Variants in RNF135 observed in about 807,000 individuals in gnomAD.
RNF135 encodes the protein ring finger protein 135, also known as E3 ubiquitin-protein ligase RNF135.
A neutral mutation model predicts 41.9 loss-of-function variants in RNF135; 46 were observed. The ratio of observed to expected loss-of-function variants is 1.10; its 90% CI spans 0.87 to 1.40. RNF135 has a LOEUF of 1.40. Among genes scored for constraint, RNF135 ranks in the 40% most tolerant of loss-of-function variants. The pLI is 0.00. For missense variants in RNF135, 539 were observed against 549.8 expected (o/e 0.98, Z 0.20); for synonymous variants, 238 against 223.8 (o/e 1.06, Z -0.57).
At position 30,987,345 on chromosome 17, in the gene RNF135, C is replaced by G. The variant is rs1262721324; in HGVS notation, c.517-599C>G. ...CTCCCGGGTTCAAGTGATTGTCCTG[C>G]CTCAGCCTCCCATGTAGTTGGGATT... On this transcript the variant is annotated intron_variant, in intron 2 of 4. Coordinates refer to ENST00000328381, the MANE Select transcript of RNF135 (RefSeq NM_032322.4). Among the ~76,000 whole-genome samples, 16 of 151,996 alleles carry G rather than the reference C, an allele frequency of 1.1e-4. 1 individual carries two copies. Among genetic ancestry groups the G allele is most frequent in the Admixed American group, 1.0e-3 (16 of 15,270 alleles).
At chr17:30,997,699 A>G (rs567754569) in intron 4 of RNF135, among the ~76,000 whole-genome samples, 21 of 152,260 alleles carry the variant, frequency 1.4e-4, no homozygotes, top group African/African-American at 5.1e-4. Context: ...AGTCCTTAAG[A>G]GCATGGATCC....
intron 1 of RNF135, among the ~76,000 whole-genome samples, chr17:30,979,676 T>C (rs1189404825): frequency 2.3e-4 from 21 of 92,298 alleles, no homozygotes; most frequent in Admixed American, 7.2e-4. Context: ...CCCCCCCACC[T>C]CCCTCCCGGA....
rs933657156 is a variant in RNF135 at position 30,993,926 on chromosome 17, C to G, written c.680-3316C>G. ...TCAGGTGATCTTCCTTCCTAAGACT[C>G]CCAAGTAGCTGGGACTACAGGCATG... On this transcript the variant is annotated intron_variant, in intron 3 of 4. Transcript: ENST00000328381. 4 of 594,870 alleles carry G rather than the reference C, an allele frequency of 6.7e-6. No individual in the cohort carries two copies. The Admixed American group carries it at 1.2e-4, about 18-fold the overall frequency. The allele number at this position is 594,870 out of a possible 1,614,324, so 36.8% of individuals were successfully genotyped here.
intron 3 of RNF135, among the ~76,000 whole-genome samples, chr17:30,990,001 A>AAAAAG (rs1907877850): frequency 6.6e-6 from 1 of 151,758 alleles, no homozygotes. Flanking sequence ...AAAAAAAAAA[A>AAAAAG]AAAAGAATCA....
At chr17:30,962,423 C>T in the RNF135 span, among the ~76,000 whole-genome samples, 399 of 143,132 alleles carry the variant, frequency 2.8e-3, 1 homozygote, top group Middle Eastern at 0.019. Context: ...TGAGCCACCG[C>T]GCCTGGCCTA....
intron 1 of RNF135, among the ~76,000 whole-genome samples, chr17:30,976,918 A>AT (rs1459629237): frequency 2.0e-5 from 3 of 151,934 alleles, no homozygotes; most frequent in African/African-American, 7.3e-5. Flanking sequence ...TTGATTGAAG[A>AT]TTTTTGTTCA....
intron 1 of RNF135, 103 bp downstream of exon 1, chr17:30,971,548 A>G (rs1488822791): frequency 9.4e-6 from 13 of 1,378,688 alleles, no homozygotes; most frequent in Non-Finnish European, 1.2e-5. Flanking sequence ...TTCTACTTTT[A>G]CGTTCCTTTT....
intron 1 of RNF135, among the ~76,000 whole-genome samples, chr17:30,975,194 A>G (rs1031710731): frequency 6.6e-6 from 1 of 151,978 alleles, no homozygotes; most frequent in Non-Finnish European, 1.5e-5. Flanking sequence ...GTGATGACAC[A>G]TGGCTGTGGT....
intron 1 of RNF135, among the ~76,000 whole-genome samples, chr17:30,977,620 C>T (rs1906581803): frequency 6.6e-6 from 1 of 152,122 alleles, no homozygotes; most frequent in African/African-American, 2.4e-5. Context: ...GTGATCTGCC[C>T]ACCTCAGCCT....
intron 1 of RNF135, chr17:30,978,899 T>A: frequency 5.6e-6 from 1 of 178,296 alleles, no homozygotes; most frequent in Non-Finnish European, 1.1e-5. Flanking sequence ...ACACAGCACA[T>A]GTTTCAGAGA....
At chr17:30,997,189 C>A in intron 3 of RNF135, 53 bp from the exon 4 acceptor site, 1 of 1,378,328 alleles carries the variant, frequency 7.3e-7, no homozygotes, top group Non-Finnish European at 1.0e-6. Context: ...TGGAGACCTT[C>A]AGTTTGCCTT....
At chr17:30,967,474 G>A (rs1905596838), upstream of RNF135, among the ~76,000 whole-genome samples, 1 of 152,030 alleles carries the variant, frequency 6.6e-6, no homozygotes, top group Non-Finnish European at 1.5e-5. Context: ...ACTGCTAATA[G>A]TAATTATATT....
At chr17:30,989,155 A>C (rs1219897749) in intron 3 of RNF135, among the ~76,000 whole-genome samples, 1 of 151,260 alleles carries the variant, frequency 6.6e-6, no homozygotes, top group African/African-American at 2.4e-5. Flanking sequence ...GGATCTCTTG[A>C]GGCCAGGAGT....
In RNF135 at chr17:30,971,501, C is replaced by T; in HGVS notation, c.372+56C>T. The T allele has an allele frequency of 6.3e-6, 9 of 1,431,182 alleles. No homozygotes were observed. The South Asian group carries it at 1.2e-4, about 19-fold the overall frequency. The allele number at this position is 1,431,182 out of a possible 1,614,324, so 88.7% of individuals were successfully genotyped here. ...CTCCCCCGGGCTGCCCGCCGCCTGA[C>T]CCTTTCCCATGTGGCTCGAACCCCT... On this transcript the variant is annotated intron_variant, in intron 1 of 4. Coordinates refer to ENST00000328381, the MANE Select transcript of RNF135 (RefSeq NM_032322.4).
At chr17:30,974,194 ACT>A (rs1463772162) in intron 1 of RNF135, among the ~76,000 whole-genome samples, 1 of 151,972 alleles carries the variant, frequency 6.6e-6, no homozygotes, top group Non-Finnish European at 1.5e-5. Flanking sequence ...ATGGAGTGAG[ACT>A]CTGTCTCAAA....
At chr17:30,997,639 C>T in intron 4 of RNF135, 1 of 455,794 alleles carries the variant, frequency 2.2e-6, no homozygotes, top group Non-Finnish European at 4.4e-6. Flanking sequence ...CTATAGCCAA[C>T]TGCCTCTTCC....
chr17:30,964,762 G>A, the RNF135 span, among the ~76,000 whole-genome samples: 1 of 150,040 alleles, frequency 6.7e-6, no homozygotes, highest in Non-Finnish European at 1.5e-5. Flanking sequence ...TCGGCTCACT[G>A]CAACCTCCAC....
the RNF135 span, among the ~76,000 whole-genome samples, chr17:30,962,039 C>A: frequency 2.6e-5 from 4 of 152,148 alleles, no homozygotes; most frequent in African/African-American, 9.7e-5. Context: ...CTTAAATGAG[C>A]AGCCTACCCT....
At chr17:30,966,354 T>TTTTA (rs143848316), upstream of RNF135, among the ~76,000 whole-genome samples, 28,076 of 148,086 alleles carry the variant, frequency 0.19, 8,583 homozygotes, top group African/African-American at 0.65. Context: ...TTTATTTTTA[T>TTTTA]TTTATTTATT....
Sources: gnomAD v4.1 joint callset for allele counts (sites outside exome capture counted in the v4.1 genomes callset) on GRCh38, gnomAD v4.1.1 for gene constraint, MANE v1.5 for transcripts, NCBI Gene and HGNC (gene_info 2026-07-23, HGNC 2026-07-21) for gene names.